TMPRSS13: variants seen among roughly 807,000 people sequenced by gnomAD.
TMPRSS13 encodes the protein transmembrane serine protease 13.
TMPRSS13 carries 50 observed loss-of-function variants against 68.4 expected under a neutral mutation model. The ratio of observed to expected loss-of-function variants is 0.73; its 90% CI spans 0.58 to 0.93. TMPRSS13 has a LOEUF of 0.93. Among genes scored for constraint, TMPRSS13 ranks in the 40% least tolerant of loss-of-function variants. TMPRSS13 has a pLI of 0.00. For synonymous variants in TMPRSS13, 267 were observed against 285.8 expected, an observed-to-expected ratio of 0.93 and a Z score of 0.66; for missense variants, 615 against 729.2, an observed-to-expected ratio of 0.84 and a Z score of 1.80.
In TMPRSS13 at chr11:117,918,484, G is replaced by T. The variant is rs1039151586; in HGVS notation, c.376C>A (p.Pro126Thr). ...GATCGGATGGGTACAGCCCCCACTG[G>T]TGTTGCTCTAACAAGGTACACTCTG... Reference protein sequence around the residue: ...PTRVYLVRATPVGAVPIRSSP... With the variant: ...PTRVYLVRATTVGAVPIRSSP... Residue 126 changes from proline (P) to threonine (T), a missense_variant, in exon 2 of 13, where the codon CCA becomes ACA. Transcript: ENST00000524993. The T allele has an allele frequency of 1.2e-6, 2 of 1,614,236 alleles. No individual in the cohort carries two copies. The highest frequency in any genetic ancestry group is 3.3e-5 in the Admixed American group (2 of 60,028).
rs777023637 is a variant in TMPRSS13, at chr11:117,905,728, G to A, written c.1291C>T (p.His431Tyr). The A allele has an allele frequency of 6.3e-7, 1 of 1,598,206 alleles. No individual in the cohort carries two copies. The highest frequency in any genetic ancestry group is 8.5e-7 in the Non-Finnish European group (1 of 1,170,348). The change falls in exon 10 of 13, where the codon CAC becomes TAC. Residue 431 changes from histidine to tyrosine, a missense_variant. His to Tyr is a moderately conservative substitution (Grantham distance 83, BLOSUM62 2). Coordinates refer to ENST00000524993, the MANE Select transcript of TMPRSS13 (RefSeq NM_001077263.3). ...CCATGCATGGGGAGGCAAGCAGGGT[G>A]GATGTGAGCTGCAACAAGACCTCCA... ...SKPLTLSAHIHPACLPMHGQT... is the reference protein window; with the variant it reads ...SKPLTLSAHIYPACLPMHGQT...
chr11:117,908,805 C>A, intron 8 of TMPRSS13, 21 bp from the exon 9 acceptor site: 1 of 1,581,464 alleles, frequency 6.3e-7, no homozygotes, highest in Non-Finnish European at 8.6e-7. Context: ...CACAAAGGAG[C>A]GTGGTCCAGT....
intron 9 of TMPRSS13, 94 bp downstream of exon 9, chr11:117,908,518 C>A: frequency 2.9e-6 from 4 of 1,402,284 alleles, no homozygotes; most frequent in Non-Finnish European, 3.9e-6. Context: ...AGCTTTGGGG[C>A]CCGGATATGA....
At chr11:117,916,684 G>A (rs1322006912) in intron 3 of TMPRSS13, among the ~76,000 whole-genome samples, 1 of 152,206 alleles carries the variant, frequency 6.6e-6, no homozygotes, top group Non-Finnish European at 1.5e-5. Flanking sequence ...CCCATTGACT[G>A]AATATCCTTG....
At position 117,927,130 on chromosome 11, in the gene TMPRSS13, T is replaced by TGCA. The variant is rs1565356685; in HGVS notation, c.21+2156_21+2157insTGC. ...TGCACAATCAAAGGCAGCCAACTGT[T>TGCA]CAAACAGTGTTCAAATAAGGCTATT... is the stretch of plus-strand genomic sequence containing the variant. On this transcript the variant is annotated intron_variant, in intron 1 of 12. Coordinates refer to ENST00000524993, the MANE Select transcript of TMPRSS13 (RefSeq NM_001077263.3). Among the ~76,000 whole-genome samples, 7 of 152,352 alleles carry TGCA rather than the reference T, an allele frequency of 4.6e-5. 1 individual carries two copies. The East Asian group carries it at 1.2e-3, about 25-fold the overall frequency.
At chr11:117,910,199 C>T (rs1311530037) in intron 7 of TMPRSS13, among the ~76,000 whole-genome samples, 1 of 152,098 alleles carries the variant, frequency 6.6e-6, no homozygotes, top group African/African-American at 2.4e-5. Flanking sequence ...GGGATCATTC[C>T]GCGGAAAGTT....
chr11:117,919,314 C>T (rs1291038020), intron 1 of TMPRSS13, among the ~76,000 whole-genome samples: 1 of 152,240 alleles, frequency 6.6e-6, no homozygotes, highest in East Asian at 1.9e-4. Flanking sequence ...AAATATTGTT[C>T]TTACTATGAG....
Position 117,913,765 on chromosome 11 carries a change from G to T in TMPRSS13, c.809+12C>A, listed in dbSNP as rs775408669. The T allele has an allele frequency of 1.2e-6, 2 of 1,613,576 alleles. No individual in the cohort carries two copies. Among genetic ancestry groups the T allele is most frequent in the South Asian group, 1.1e-5 (1 of 91,058 alleles). On this transcript the variant is annotated intron_variant, in intron 5 of 12. Coordinates refer to ENST00000524993, the MANE Select transcript of TMPRSS13 (RefSeq NM_001077263.3). ...CCTGAAGCCTGGACTCTGGGGCCAGGTTGGGGGTTACCTCTCGAAACCCAG... is the reference window on the plus strand; with the variant it reads ...CCTGAAGCCTGGACTCTGGGGCCAGTTTGGGGGTTACCTCTCGAAACCCAG...
chr11:117,917,320 C>T (rs761020020), intron 2 of TMPRSS13, 46 bp from the exon 3 acceptor site: 31 of 1,473,392 alleles, frequency 2.1e-5, no homozygotes, highest in Admixed American at 8.8e-5. Context: ...GGAGAGGAGT[C>T]CGACGAGATG....
chr11:117,927,640 A>T (rs1338654117), intron 1 of TMPRSS13, among the ~76,000 whole-genome samples: 1 of 152,200 alleles, frequency 6.6e-6, no homozygotes, highest in African/African-American at 2.4e-5. Flanking sequence ...GCCCTCAAGG[A>T]GAAGGCACAA....
chr11:117,919,586 A>G (rs2057622531), intron 1 of TMPRSS13, among the ~76,000 whole-genome samples: 1 of 152,046 alleles, frequency 6.6e-6, no homozygotes, highest in South Asian at 2.1e-4. Context: ...TTTTGTGCAC[A>G]CTCTAAGTCT....
intron 9 of TMPRSS13, among the ~76,000 whole-genome samples, chr11:117,907,214 C>G (rs11216614): frequency 0.89 from 135,996 of 151,970 alleles, 61,604 homozygotes; most frequent in Non-Finnish European, 0.97. Context: ...CAGTCTGTGC[C>G]CTTCTTGTGT....
In TMPRSS13 at chr11:117,918,579, G is replaced by A. The variant is rs1201851524; in HGVS notation, c.281C>T (p.Ala94Val). The change falls in exon 2 of 13, where the codon GCA becomes GTA. Residue 94 changes from alanine to valine, a missense_variant. Coordinates refer to ENST00000524993, the MANE Select transcript of TMPRSS13 (RefSeq NM_001077263.3). ...GCCGGATGAGGACCTGGAAAGTGATGCCAGAGCCGGAGATGCCCGGGCTGG... is the reference window on the plus strand; with the variant it reads ...GCCGGATGAGGACCTGGAAAGTGATACCAGAGCCGGAGATGCCCGGGCTGG... The part of the protein sequence containing the change: ...ASPARASPAL[A>V]SLSRSSSGRS... 2.5e-6 allele frequency: 4 copies of A among 1,614,094 alleles called. No homozygotes were observed. In the East Asian group the frequency reaches 6.7e-5, roughly 27 times the overall value.
intron 3 of TMPRSS13, among the ~76,000 whole-genome samples, chr11:117,916,222 G>A (rs985732140): frequency 6.6e-6 from 1 of 152,160 alleles, no homozygotes; most frequent in Non-Finnish European, 1.5e-5. Flanking sequence ...CCAAACAGAC[G>A]GCCCCAGGTC....
intron 12 of TMPRSS13, chr11:117,903,133 G>A (rs2057424325): frequency 2.3e-6 from 3 of 1,316,914 alleles, no homozygotes; most frequent in Admixed American, 3.7e-5. Flanking sequence ...AAGAATGGTA[G>A]TTCTCAGGGA....
At chr11:117,910,626 A>G (rs912416086) in intron 7 of TMPRSS13, 81 bp downstream of exon 7, 1 of 1,404,382 alleles carries the variant, frequency 7.1e-7, no homozygotes, top group African/African-American at 1.4e-5. Context: ...TGTGCCAAAC[A>G]CCTCCCTTGG....
At chr11:117,926,074 T>C (rs906216601) in intron 1 of TMPRSS13, among the ~76,000 whole-genome samples, 14 of 149,550 alleles carry the variant, frequency 9.4e-5, no homozygotes, top group Non-Finnish European at 1.6e-4. Flanking sequence ...ATAGGGCAGG[T>C]GCCAGGGTCC....
Position 117,914,004 on chromosome 11 carries a change from C to T in TMPRSS13, c.680-98G>A, listed in dbSNP as rs184877539. 83 of 1,391,714 alleles carry T rather than the reference C, an allele frequency of 6.0e-5. No individual in the cohort carries two copies. In the African/African-American group the frequency reaches 1.0e-3, roughly 17 times the overall value. 86.2% of individuals were successfully genotyped at this position (1,391,714 alleles called of 1,614,324 possible). A position where few individuals can be genotyped will look rare whatever the true frequency, so the allele number is the denominator to read the frequency against. On this transcript the variant is annotated intron_variant, in intron 4 of 12. Transcript: ENST00000524993. The surrounding 1 kb of genome is among the most constrained non-coding windows in gnomAD (Gnocchi z 4.2). ...GTGAGGCTTTGAGAAAGCGCTTGTC[C>T]TGACAGCACTCCTTGCTGAGGCCTG...
intron 6 of TMPRSS13, among the ~76,000 whole-genome samples, 153 bp from the exon 7 acceptor site, chr11:117,910,903 A>G (rs2155195): frequency 0.28 from 42,809 of 152,008 alleles, 6,263 homozygotes; most frequent in Admixed American, 0.3. Context: ...CCCTTTCCCC[A>G]TGTGACATTG....
Sources: allele counts gnomAD v4.1 joint callset (sites outside exome capture counted in the v4.1 genomes callset), GRCh38; gene constraint gnomAD v4.1.1; non-coding constraint Gnocchi (gnomAD v3.1); transcripts MANE v1.5; gene names NCBI Gene and HGNC (gene_info 2026-07-23, HGNC 2026-07-21).